The following CNTNAP2 variants were observed in gnomAD, a reference collection of about 807,000 sequenced individuals.
CNTNAP2 encodes the protein contactin associated protein 2.
A neutral mutation model predicts 155.2 loss-of-function variants in CNTNAP2; 98 were observed. The observed-to-expected ratio is 0.63, with a 90% CI of 0.54 to 0.75. CNTNAP2 has a LOEUF of 0.75. Among genes scored for constraint, CNTNAP2 ranks in the 30% least tolerant of loss-of-function variants. CNTNAP2 has a pLI of 0.00. For missense variants in CNTNAP2, 1,727 were observed against 1,688.1 expected (o/e 1.02, Z -0.40); for synonymous variants, 651 against 631.2 (o/e 1.03, Z -0.47).
At chr7:146,754,896 A>G (rs1421479045) in intron 1 of CNTNAP2, among the ~76,000 whole-genome samples, 2 of 151,958 alleles carry the variant, frequency 1.3e-5, no homozygotes, top group Non-Finnish European at 2.9e-5. Flanking sequence ...CTCAAAGTAA[A>G]GGATTATTCT....
At chr7:147,601,645 AT>A (rs371881163) in intron 12 of CNTNAP2, among the ~76,000 whole-genome samples, 42,198 of 127,866 alleles carry the variant, frequency 0.33, 6,828 homozygotes, top group Admixed American at 0.41. Flanking sequence ...TTAAAAAAAA[AT>A]ATATATATAT....
chr7:146,916,499 A>T (rs1796397116), intron 3 of CNTNAP2, among the ~76,000 whole-genome samples: 1 of 152,094 alleles, frequency 6.6e-6, no homozygotes, highest in Non-Finnish European at 1.5e-5. Context: ...TACCATTTCA[A>T]TCTTGCTACT....
chr7:147,074,563 GCTTT>G (rs1302823032), intron 4 of CNTNAP2, among the ~76,000 whole-genome samples: 1 of 152,008 alleles, frequency 6.6e-6, no homozygotes. Flanking sequence ...TAAAAAACTT[GCTTT>G]CTTATCTTTC....
At chr7:146,169,428 A>G (rs1183017515) in intron 1 of CNTNAP2, among the ~76,000 whole-genome samples, 1 of 152,256 alleles carries the variant, frequency 6.6e-6, no homozygotes, top group East Asian at 1.9e-4. Context: ...TGATGCAAAT[A>G]TACATTGTGA....
intron 1 of CNTNAP2, among the ~76,000 whole-genome samples, chr7:146,294,806 T>C (rs995620104): frequency 1.3e-5 from 2 of 152,184 alleles, no homozygotes; most frequent in Non-Finnish European, 2.9e-5. Context: ...ATGTTGTCAG[T>C]CATATTGGGA....
At chr7:146,187,362 G>A (rs1487513629) in intron 1 of CNTNAP2, among the ~76,000 whole-genome samples, 1 of 152,168 alleles carries the variant, frequency 6.6e-6, no homozygotes, top group African/African-American at 2.4e-5. Context: ...TTTGGCAATG[G>A]TAGAAGCAAA....
intron 8 of CNTNAP2, 126 bp from the exon 9 acceptor site, chr7:147,300,015 T>C (rs1794912322): frequency 1.0e-6 from 1 of 989,742 alleles, no homozygotes; most frequent in South Asian, 1.5e-5. Context: ...GTTTGAATTG[T>C]AAGCAGCACT....
chr7:148,090,731 C>T (rs942970390), intron 15 of CNTNAP2, among the ~76,000 whole-genome samples: 2 of 152,096 alleles, frequency 1.3e-5, no homozygotes, highest in African/African-American at 4.8e-5. Context: ...TATGATCCAG[C>T]AATCCCACTA....
intron 4 of CNTNAP2, among the ~76,000 whole-genome samples, chr7:147,057,223 C>T (rs1429187578): frequency 6.6e-6 from 1 of 152,180 alleles, no homozygotes; most frequent in Admixed American, 6.5e-5. Flanking sequence ...TGTGTTTCCT[C>T]CTTTGTCAAC....
chr7:146,451,012 T>C (rs959361355), intron 1 of CNTNAP2, among the ~76,000 whole-genome samples: 4 of 152,088 alleles, frequency 2.6e-5, no homozygotes, highest in Non-Finnish European at 5.9e-5. Context: ...AGTGGCGTGG[T>C]CTTGGCTCAC....
chr7:148,376,763 C>T (rs1798981191), intron 21 of CNTNAP2, among the ~76,000 whole-genome samples: 1 of 67,662 alleles, frequency 1.5e-5, no homozygotes, highest in African/African-American at 3.6e-5. Flanking sequence ...AGTACCTAAT[C>T]GTATACATCA....
At chr7:146,820,024 A>C (rs187855485) in intron 2 of CNTNAP2, among the ~76,000 whole-genome samples, 1 of 152,342 alleles carries the variant, frequency 6.6e-6, no homozygotes, top group African/African-American at 2.4e-5. Context: ...TCTTCACCAA[A>C]TAAAACAATG....
At chr7:147,383,170 C>A (rs759150863) in intron 9 of CNTNAP2, among the ~76,000 whole-genome samples, 1 of 151,932 alleles carries the variant, frequency 6.6e-6, no homozygotes, top group South Asian at 2.1e-4. Flanking sequence ...GGTCTCTGAC[C>A]GGCAGTTTAA....
chr7:146,998,618 T>C (rs571909870), intron 3 of CNTNAP2, among the ~76,000 whole-genome samples: 14 of 152,176 alleles, frequency 9.2e-5, no homozygotes, highest in African/African-American at 2.9e-4. Flanking sequence ...TATCCATTGC[T>C]GAAAGTGAGG....
chr7:147,948,061 A>G (rs556338666), intron 14 of CNTNAP2, among the ~76,000 whole-genome samples: 4 of 152,300 alleles, frequency 2.6e-5, no homozygotes, highest in African/African-American at 7.2e-5. Context: ...AAAATACCTT[A>G]AAAATTAATT....
At chr7:147,306,986 T>A (rs1795041169) in intron 9 of CNTNAP2, among the ~76,000 whole-genome samples, 1 of 152,232 alleles carries the variant, frequency 6.6e-6, no homozygotes, top group Admixed American at 6.5e-5. Context: ...AGAATGTAGT[T>A]CCCTTTCCAA....
chr7:146,451,201 C>T (rs1796475993), intron 1 of CNTNAP2, among the ~76,000 whole-genome samples: 1 of 152,156 alleles, frequency 6.6e-6, no homozygotes, highest in Non-Finnish European at 1.5e-5. Context: ...CCACCTTGGC[C>T]TCCCAAAGTG....
At chr7:146,822,074 A>C (rs1803296377) in intron 2 of CNTNAP2, among the ~76,000 whole-genome samples, 1 of 152,182 alleles carries the variant, frequency 6.6e-6, no homozygotes, top group Non-Finnish European at 1.5e-5. Flanking sequence ...AACCAACCCA[A>C]ATGTCCAGCA....
intron 1 of CNTNAP2, among the ~76,000 whole-genome samples, chr7:146,503,834 G>C (rs761204126): frequency 1.6e-4 from 25 of 152,110 alleles, no homozygotes; most frequent in Non-Finnish European, 4.4e-5. Flanking sequence ...TTTGATTACT[G>C]TCAGGTTCCA....
Sources: gnomAD v4.1 joint callset for allele counts (sites outside exome capture counted in the v4.1 genomes callset) on GRCh38, gnomAD v4.1.1 for gene constraint, MANE v1.5 for transcripts, NCBI Gene and HGNC (gene_info 2026-07-23, HGNC 2026-07-21) for gene names.